CNTN6: variants seen among roughly 807,000 people sequenced by gnomAD.
CNTN6 encodes contactin 6, also known as contactin-6.
A neutral mutation model predicts 122.8 loss-of-function variants in CNTN6; 137 were observed. The ratio of observed to expected loss-of-function variants is 1.12; its 90% CI spans 0.97 to 1.29. The LOEUF (loss-of-function observed/expected upper bound fraction) is 1.29. Among genes scored for constraint, CNTN6 ranks in the 50% most tolerant of loss-of-function variants. CNTN6 has a pLI of 0.00. For missense variants in CNTN6, 1,634 were observed against 1,223.4 expected, an observed-to-expected ratio of 1.34 and a Z score of -5.01; for synonymous variants, 570 against 426.0, an observed-to-expected ratio of 1.34 and a Z score of -4.16.
chr3:1,318,140 GAA>G (rs1330637518), intron 7 of CNTN6, among the ~76,000 whole-genome samples: 2 of 150,478 alleles, frequency 1.3e-5, no homozygotes, highest in African/African-American at 2.4e-5. Flanking sequence ...GAAAGAAAAA[GAA>G]AGAAAATTCT....
At position 1,123,750 on chromosome 3, in the gene CNTN6, C is replaced by T. The variant is rs572085853; in HGVS notation, c.-82-24177C>T. 2.6e-5 allele frequency among the ~76,000 whole-genome samples: 4 copies of T among 152,074 alleles called. No individual in the cohort carries two copies. In the South Asian group the frequency reaches 8.3e-4, roughly 31 times the overall value. On this transcript the variant is annotated intron_variant, in intron 1 of 22. Coordinates refer to ENST00000446702, the MANE Select transcript of CNTN6 (RefSeq NM_001289080.2). ...AACAGCAATGGTGAAGGAGACTATTCAAGTCTTGTTCCCGATCAGAGTGGG... is the reference window on the plus strand; with the variant it reads ...AACAGCAATGGTGAAGGAGACTATTTAAGTCTTGTTCCCGATCAGAGTGGG...
At chr3:1,302,898 C>T (rs992924582) in intron 7 of CNTN6, among the ~76,000 whole-genome samples, 7 of 151,722 alleles carry the variant, frequency 4.6e-5, no homozygotes, top group African/African-American at 1.5e-4. Flanking sequence ...ATCTTTTATG[C>T]CATTTGTAAT....
intron 1 of CNTN6, among the ~76,000 whole-genome samples, chr3:1,099,324 G>GC (rs1559307783): frequency 6.6e-6 from 1 of 151,346 alleles, no homozygotes; most frequent in East Asian, 2.0e-4. Context: ...GGTGGCGGGC[G>GC]CCTGTAGTCC....
chr3:1,349,200 TTAG>T (rs1705233031), intron 11 of CNTN6, among the ~76,000 whole-genome samples: 1 of 151,964 alleles, frequency 6.6e-6, no homozygotes, highest in African/African-American at 2.4e-5. Flanking sequence ...TCATTATATA[TTAG>T]TAGTATAACT....
At chr3:1,389,703 G>A (rs1187614906) in intron 20 of CNTN6, among the ~76,000 whole-genome samples, 3 of 150,976 alleles carry the variant, frequency 2.0e-5, no homozygotes, top group Non-Finnish European at 4.4e-5. Context: ...AGGCTCAAAA[G>A]GATGGAGGAA....
Position 1,325,150 on chromosome 3 carries a change from G to A in CNTN6, c.947-665G>A, listed in dbSNP as rs369403736. ...ACAATCTTACTTTCACGTCAATTAT[G>A]CCAGTTTCTTGTTGTCTCACTACTA... On this transcript the variant is annotated intron_variant, in intron 8 of 22. Transcript: ENST00000446702. Among the ~76,000 whole-genome samples the A allele has an allele frequency of 1.2e-4, 18 of 151,858 alleles. No homozygotes were observed. The South Asian group carries it at 2.1e-3, about 18-fold the overall frequency.
intron 4 of CNTN6, among the ~76,000 whole-genome samples, chr3:1,278,153 C>T (rs1692752525): frequency 6.6e-6 from 1 of 152,168 alleles, no homozygotes; most frequent in South Asian, 2.1e-4. Flanking sequence ...TGCTAGGCTA[C>T]ACTGTCTGGA....
chr3:1,280,753 C>T (rs1272688818), intron 5 of CNTN6, among the ~76,000 whole-genome samples: 2 of 151,910 alleles, frequency 1.3e-5, no homozygotes, highest in South Asian at 2.1e-4. Context: ...GCATGAGTCA[C>T]CGCACCTGGT....
intron 11 of CNTN6, among the ~76,000 whole-genome samples, chr3:1,333,681 G>A (rs1405831031): frequency 6.6e-6 from 1 of 152,030 alleles, no homozygotes; most frequent in South Asian, 2.1e-4. Context: ...ACCTAGAGAT[G>A]GTTGAGAGGG....
intron 7 of CNTN6, among the ~76,000 whole-genome samples, chr3:1,312,340 A>G (rs1187408642): frequency 6.6e-6 from 1 of 150,708 alleles, no homozygotes; most frequent in Non-Finnish European, 1.5e-5. Context: ...ATGTATATGT[A>G]TATTTCTGGA....
intron 2 of CNTN6, among the ~76,000 whole-genome samples, chr3:1,215,349 T>C (rs1395464065): frequency 6.6e-6 from 1 of 152,230 alleles, no homozygotes; most frequent in Non-Finnish European, 1.5e-5. Flanking sequence ...TATCTGTGCT[T>C]TTTTCACATT....
At chr3:1,199,014 A>G (rs2125416334) in intron 2 of CNTN6, among the ~76,000 whole-genome samples, 1 of 152,192 alleles carries the variant, frequency 6.6e-6, no homozygotes, top group African/African-American at 2.4e-5. Flanking sequence ...TCATGCATCT[A>G]CAAGTCAAAC....
At chr3:1,290,783 C>G (rs1373637334) in intron 5 of CNTN6, among the ~76,000 whole-genome samples, 2 of 152,178 alleles carry the variant, frequency 1.3e-5, no homozygotes, top group Admixed American at 1.3e-4. Context: ...GCTACCATGG[C>G]ATTTATAAAT....
At chr3:1,255,141 A>T (rs951975735) in intron 4 of CNTN6, among the ~76,000 whole-genome samples, 1 of 152,176 alleles carries the variant, frequency 6.6e-6, no homozygotes, top group African/African-American at 2.4e-5. Context: ...CTACACAGCT[A>T]CTTGAGGCAT....
intron 5 of CNTN6, among the ~76,000 whole-genome samples, chr3:1,287,687 AG>A (rs930106823): frequency 1.3e-5 from 2 of 152,086 alleles, no homozygotes; most frequent in African/African-American, 4.8e-5. Context: ...TGGTGAAAAA[AG>A]CTATCTCTAA....
intron 3 of CNTN6, among the ~76,000 whole-genome samples, chr3:1,223,237 A>G (rs569437588): frequency 1.1e-3 from 167 of 152,300 alleles, no homozygotes; most frequent in African/African-American, 3.8e-3. Context: ...ACTTAAAGTT[A>G]TCATTTCTAG....
At chr3:1,202,215 A>C (rs1249040995) in intron 2 of CNTN6, among the ~76,000 whole-genome samples, 3 of 152,236 alleles carry the variant, frequency 2.0e-5, no homozygotes, top group African/African-American at 4.8e-5. Context: ...ACTAGGAATG[A>C]GGAGAAGGAA....
Position 1,327,460 on chromosome 3 carries a change from A to T in CNTN6, c.1087A>T (p.Arg363Ter). Residue 363 changes from arginine to a stop codon, truncating the protein, a stop_gained, in exon 10 of 23, where the codon AGA becomes TGA. Coordinates refer to ENST00000446702, the MANE Select transcript of CNTN6 (RefSeq NM_001289080.2). LOFTEE classifies it high-confidence loss of function. ...KNGERLNPEERIQIENGTLII... is the reference protein window; with the variant it reads ...KNGERLNPEE ...TATATGCCTTTTCCTTTATTAGGAG[A>T]GAATTCAAATAGAAAATGGGACACT... 1 of 1,609,976 alleles carries T rather than the reference A, an allele frequency of 6.2e-7. No homozygotes were observed. The highest frequency in any genetic ancestry group is 8.5e-7 in the Non-Finnish European group (1 of 1,177,520).
At chr3:1,326,878 T>C (rs1701616619) in intron 9 of CNTN6, among the ~76,000 whole-genome samples, 1 of 151,920 alleles carries the variant, frequency 6.6e-6, no homozygotes, top group Admixed American at 6.6e-5. Flanking sequence ...AAGTTATATT[T>C]GTACTATTAA....
Sources: allele counts gnomAD v4.1 joint callset (sites outside exome capture counted in the v4.1 genomes callset), GRCh38; gene constraint gnomAD v4.1.1; transcripts MANE v1.5; gene names NCBI Gene and HGNC (gene_info 2026-07-23, HGNC 2026-07-21).